Variants in SUFU observed in about 807,000 individuals in gnomAD.
The protein encoded by SUFU is suppressor of fused homolog.
In SUFU, 7 loss-of-function variants were observed where a neutral mutation model predicts 58.9. The observed-to-expected ratio is 0.12, with a 90% CI of 0.07 to 0.22. The LOEUF is 0.22. SUFU is among the 10% of genes least tolerant of loss of function. The pLI is 1.00. For synonymous variants in SUFU, 232 were observed against 254.8 expected (o/e 0.91, Z 0.85); for missense variants, 451 against 641.3 (o/e 0.70, Z 3.20).
At chr10:102,605,072 C>A (rs763918046) in intron 8 of SUFU, among the ~76,000 whole-genome samples, 43 of 151,954 alleles carry the variant, frequency 2.8e-4, no homozygotes, top group Non-Finnish European at 7.4e-5. Flanking sequence ...GCACACACCA[C>A]CACGTCCAGC....
At chr10:102,567,417 C>A (rs1312401044) in intron 3 of SUFU, among the ~76,000 whole-genome samples, 7 of 152,122 alleles carry the variant, frequency 4.6e-5, no homozygotes, top group Non-Finnish European at 1.0e-4. Context: ...ATACACAGTA[C>A]TGCTTGAGAT....
At chr10:102,510,700 G>A (rs1201093024) in intron 2 of SUFU, among the ~76,000 whole-genome samples, 1 of 152,100 alleles carries the variant, frequency 6.6e-6, no homozygotes, top group East Asian at 1.9e-4. Flanking sequence ...GCATGTGCCT[G>A]TACTCCCAAC....
At chr10:102,562,628 C>A (rs770410076) in intron 3 of SUFU, among the ~76,000 whole-genome samples, 15 of 152,290 alleles carry the variant, frequency 9.8e-5, no homozygotes, top group Admixed American at 2.0e-4. Flanking sequence ...TGGTGGCTCA[C>A]ACCTGTAATC....
In SUFU at chr10:102,504,127, C is replaced by T. The variant is rs2135596821; in HGVS notation, c.-26C>T. On this transcript the variant is annotated 5_prime_UTR_variant, in exon 1 of 12. Transcript: ENST00000369902. ...CCCCGTCGTTTGCCCTCTCCAGTTC[C>T]CCCAGTGCCTGCCCTACGCACCCCG... 3.9e-6 allele frequency: 6 copies of T among 1,533,874 alleles called. No individual in the cohort carries two copies. Among genetic ancestry groups the T allele is most frequent in the East Asian group, 4.9e-5 (2 of 40,890 alleles).
intron 8 of SUFU, among the ~76,000 whole-genome samples, chr10:102,601,754 C>G (rs1431790917): frequency 2.6e-5 from 4 of 152,216 alleles, no homozygotes; most frequent in Non-Finnish European, 1.5e-5. Flanking sequence ...GCTGCCCACT[C>G]TGGGACCTGA....
chr10:102,571,032 A>C (rs767716723), intron 3 of SUFU, among the ~76,000 whole-genome samples: 19 of 152,164 alleles, frequency 1.2e-4, no homozygotes, highest in Non-Finnish European at 7.4e-5. Flanking sequence ...TCATCACATC[A>C]TGTTTTGGTA....
rs1449464321 is a variant in SUFU, at chr10:102,631,321, AT to A, written c.*1167del. On this transcript the variant is annotated 3_prime_UTR_variant, in exon 12 of 12. Transcript: ENST00000369902. ...CCCTATCTTTCATTCTCCACTCCTA[AT>A]CCCTCTCCTTTCTGGCATCCTGGCC... 2 of 232,258 alleles carry A rather than the reference AT, an allele frequency of 8.6e-6. No homozygotes were observed. The highest frequency in any genetic ancestry group is 1.7e-5 in the Non-Finnish European group (2 of 117,978). The allele number at this position is 232,258 out of a possible 1,614,324, so 14.4% of individuals were successfully genotyped here. A position where few individuals can be genotyped will look rare whatever the true frequency, so the allele number is the denominator to read the frequency against.
chr10:102,506,336 T>C lies in SUFU; in HGVS notation c.182+2002T>C, dbSNP rs1373071731. On this transcript the variant is annotated intron_variant, in intron 1 of 11. Coordinates refer to ENST00000369902, the MANE Select transcript of SUFU (RefSeq NM_016169.4). ...TTATACAGCACTTTGTGAAAGCCCT[T>C]CCTAGATGCAGAAAAGTATAAAGAG... Among the ~76,000 whole-genome samples the C allele has an allele frequency of 2.6e-5, 4 of 152,108 alleles. 1 individual carries two copies. The highest frequency in any genetic ancestry group is 9.7e-5 in the African/African-American group (4 of 41,442).
intron 3 of SUFU, among the ~76,000 whole-genome samples, chr10:102,568,897 AATATAT>A (rs1208688793): frequency 1.2e-4 from 2 of 17,030 alleles, no homozygotes; most frequent in African/African-American, 3.6e-4. Flanking sequence ...AAAAAAAAAA[AATATAT>A]ATATATATAT....
intron 2 of SUFU, among the ~76,000 whole-genome samples, chr10:102,545,259 C>T (rs533669618): frequency 2.0e-5 from 3 of 150,886 alleles, no homozygotes; most frequent in Non-Finnish European, 2.9e-5. Context: ...GCTGGGACTA[C>T]AGGTGTGAGC....
At chr10:102,509,382 C>T (rs2062371676) in intron 2 of SUFU, 79 bp downstream of exon 2, 23 of 1,577,652 alleles carry the variant, frequency 1.5e-5, no homozygotes, top group South Asian at 2.2e-5. Context: ...TGTCATAGTG[C>T]TGTGAGCATG....
chr10:102,601,074 A>G (rs769008299), intron 8 of SUFU, among the ~76,000 whole-genome samples: 1 of 152,184 alleles, frequency 6.6e-6, no homozygotes, highest in Non-Finnish European at 1.5e-5. Flanking sequence ...TTGGCAGGCC[A>G]GAGGTACTGG....
At chr10:102,542,159 G>A (rs1400852137) in intron 2 of SUFU, among the ~76,000 whole-genome samples, 1 of 142,608 alleles carries the variant, frequency 7.0e-6, no homozygotes, top group Non-Finnish European at 1.5e-5. Flanking sequence ...TTGAGATGGA[G>A]TCTCACTCTG....
intron 9 of SUFU, 39 bp downstream of exon 9, chr10:102,615,441 C>T: frequency 6.2e-7 from 1 of 1,613,752 alleles, no homozygotes; most frequent in Non-Finnish European, 8.5e-7. Context: ...TACCCCACAG[C>T]ACCCAGCTCA....
Position 102,532,456 on chromosome 10 carries a change from T to C in SUFU, c.318-17514T>C, listed in dbSNP as rs972304530. On this transcript the variant is annotated intron_variant, in intron 2 of 11. Transcript: ENST00000369902. Reference sequence around the variant, plus strand: ...GGAGTCCAGGAATAGCTCATCTGAGTGCTATGCTTAGGTCCTCCTAAGGCT... The same window carrying C: ...GGAGTCCAGGAATAGCTCATCTGAGCGCTATGCTTAGGTCCTCCTAAGGCT... Among the ~76,000 whole-genome samples the C allele has an allele frequency of 2.6e-5, 4 of 152,144 alleles. 1 individual carries two copies. The highest frequency in any genetic ancestry group is 1.3e-4 in the Admixed American group (2 of 15,264).
intron 8 of SUFU, among the ~76,000 whole-genome samples, chr10:102,600,104 G>C (rs2063502941): frequency 6.6e-6 from 1 of 152,170 alleles, no homozygotes; most frequent in African/African-American, 2.4e-5. Flanking sequence ...CGGAGAGACT[G>C]TGGCCACCCT....
chr10:102,540,815 A>C (rs1005437422), intron 2 of SUFU, among the ~76,000 whole-genome samples: 4 of 151,790 alleles, frequency 2.6e-5, no homozygotes, highest in Middle Eastern at 3.4e-3. Flanking sequence ...TGAGGTCAGG[A>C]GCTCGAGACC....
chr10:102,574,797 CTG>C (rs1269306740), intron 3 of SUFU, among the ~76,000 whole-genome samples: 1 of 152,130 alleles, frequency 6.6e-6, no homozygotes, highest in African/African-American at 2.4e-5. Flanking sequence ...ACAGTGGCTC[CTG>C]TAATCCCAGC....
intron 6 of SUFU, among the ~76,000 whole-genome samples, chr10:102,595,910 G>T (rs755160415): frequency 6.6e-6 from 1 of 152,162 alleles, no homozygotes; most frequent in Non-Finnish European, 1.5e-5. Context: ...GACAAGTTGA[G>T]CCAAGAATTG....
Sources: gnomAD v4.1 joint callset for allele counts (sites outside exome capture counted in the v4.1 genomes callset) on GRCh38, gnomAD v4.1.1 for gene constraint, MANE v1.5 for transcripts, NCBI Gene and HGNC (gene_info 2026-07-23, HGNC 2026-07-21) for gene names.